The following FLG variants were observed in gnomAD, a reference collection of about 807,000 sequenced individuals.
FLG encodes filaggrin, also known as epidermal filaggrin.
In FLG, 6 loss-of-function variants were observed where a neutral mutation model predicts 3.8. The ratio of observed to expected loss-of-function variants is 1.60; its 90% confidence interval spans 0.87 to 3.15. FLG has a LOEUF of 3.15. FLG is among the 30% of genes most tolerant of loss of function. The pLI is 0.00. For synonymous variants in FLG, 2,551 were observed against 1,931.6 expected, an observed-to-expected ratio of 1.32 and a Z score of -8.41; for missense variants, 7,595 against 5,050.9, an observed-to-expected ratio of 1.50 and a Z score of -15.27.
rs756739106 is a variant in FLG, at chr1:152,307,291, G to T, written c.7595C>A (p.Ser2532Ter). Residue 2532 changes from serine (S) to a stop codon, truncating the protein, a stop_gained, in exon 3 of 3, where the codon TCG (serine) becomes TAG (stop). Coordinates refer to ENST00000368799, the MANE Select transcript of FLG (RefSeq NM_002016.2). LOFTEE classifies it low-confidence loss of function (END_TRUNC). ...CCGAGAGGAAGCTTCATGGTGACGC[G>T]ACCCTGAGTGCCTGGAGCCGTCTCC... is the stretch of plus-strand genomic sequence containing the variant. ...QSGDGSRHSG[S>*]RHHEASSRAD... 45 of 1,613,094 alleles carry T rather than the reference G, an allele frequency of 2.8e-5. No individual in the cohort carries two copies. Among genetic ancestry groups the T allele is most frequent in the Non-Finnish European group, 3.7e-5 (44 of 1,179,956 alleles).
Position 152,314,601 on chromosome 1 carries a change from C to G in FLG, c.285G>C (p.Pro95=). The G allele has an allele frequency of 6.2e-7, 1 of 1,613,794 alleles. No individual in the cohort carries two copies. Among genetic ancestry groups the G allele is most frequent in the Non-Finnish European group, 8.5e-7 (1 of 1,179,870 alleles). ...GCTTTCTGTGCTTGTGTCCTGATAT[C>G]GGTAAATTCTCTTTTCTGGTAGACT... is the stretch of plus-strand genomic sequence containing the variant. ...YYESTRKENL[P]ISGHKHRKHS... Residue 95 remains proline, a synonymous_variant, in exon 3 of 3, where the codon CCG becomes CCC. Transcript: ENST00000368799.
chr1:152,311,485 G>C lies in FLG; in HGVS notation c.3401C>G (p.Thr1134Ser). 1 of 1,613,866 alleles carries C rather than the reference G, an allele frequency of 6.2e-7. No homozygotes were observed. Among genetic ancestry groups the C allele is most frequent in the Middle Eastern group, 1.7e-4 (1 of 6,058 alleles). The change falls in exon 3 of 3, where the codon ACC becomes AGC. Residue 1134 changes from threonine (T) to serine (S), a missense_variant. By Grantham distance (58) the Thr-to-Ser change is moderately conservative (BLOSUM62 1). Transcript: ENST00000368799. ...TTGTCTTCGTCCAGTGCTGGTCCTG[G>C]TCCGCCCATGGGCAGACTCAGACTG... ...HEQSESAHGR[T>S]RTSTGRRQGS...
rs754405401 is a variant in FLG at position 152,314,159 on chromosome 1, C to T, written c.727G>A (p.Ala243Thr). Residue 243 changes from alanine (A) to threonine (T), a missense_variant, in exon 3 of 3, where the codon GCC becomes ACC. By Grantham distance (58) the Ala-to-Thr change is moderately conservative. Coordinates refer to ENST00000368799, the MANE Select transcript of FLG (RefSeq NM_002016.2). The stretch of plus-strand genomic sequence containing the variant: ...AATAGACTATCAGTGGTGTCATAGG[C>T]TTCATCCTGGATTGTGTAATATGTG... ...IATYYTIQDE[A>T]YDTTDSLLEE... The T allele has an allele frequency of 3.7e-6, 6 of 1,614,146 alleles. No individual in the cohort carries two copies. The highest frequency in any genetic ancestry group is 4.2e-6 in the Non-Finnish European group (5 of 1,180,022).
In FLG at chr1:152,307,067, T is replaced by G; in HGVS notation, c.7819A>C (p.Arg2607=). 2 of 1,609,212 alleles carry G rather than the reference T, an allele frequency of 1.2e-6. No individual in the cohort carries two copies. Among genetic ancestry groups the G allele is most frequent in the Non-Finnish European group, 1.7e-6 (2 of 1,179,438 alleles). Residue 2607 remains arginine, a synonymous_variant, in exon 3 of 3, where the codon AGG becomes CGG. Transcript: ENST00000368799. The part of the protein sequence containing the change: ...EQLRDGSRHP[R]SHQEDRAGHG... ...CCAGCTCTGTCTTCTTGATGGGACC[T>G]GGGGTGTCTGGAGCCATCTCTTAGC... is the stretch of plus-strand genomic sequence containing the variant.
rs760739986 is a variant in FLG at position 152,303,371 on chromosome 1, T to C, written c.11515A>G (p.Ser3839Gly). The change falls in exon 3 of 3, where the codon AGC (serine) becomes GGC (glycine). Residue 3839 changes from serine to glycine, a missense_variant. Coordinates refer to ENST00000368799, the MANE Select transcript of FLG (RefSeq NM_002016.2). The part of the protein sequence containing the change: ...RHHEASTQAD[S>G]SRHSQSGQGE... ...TGGCCGGACTGTGAGTGTCTAGAGC[T>C]GTCAGCCTGAGTGGAAGCTTCATGG... 6.2e-7 allele frequency: 1 copy of C among 1,614,136 alleles called. No individual in the cohort carries two copies. The highest frequency in any genetic ancestry group is 1.7e-5 in the Admixed American group (1 of 60,008).
chr1:152,315,437 T>G lies in FLG; in HGVS notation c.20A>C (p.Asn7Thr), dbSNP rs372700376. ...GAAAAGATTAATTATGGCAAAGATG[T>G]TTTCCAGGAGAGTAGACATCTTTTG... MSTLLE[N>T]IFAIINLFKQ... Residue 7 changes from asparagine (N) to threonine (T), a missense_variant, in exon 2 of 3, where the codon AAC becomes ACC. By Grantham distance (65) the Asn-to-Thr change is moderately conservative. Transcript: ENST00000368799. The G allele has an allele frequency of 2.5e-6, 4 of 1,612,156 alleles. No individual in the cohort carries two copies. In the African/African-American group the frequency reaches 5.3e-5, roughly 22 times the overall value.
In FLG at chr1:152,304,804, G is replaced by T. The variant is rs202056848; in HGVS notation, c.10082C>A (p.Ala3361Asp). The T allele has an allele frequency of 2.8e-4, 455 of 1,613,878 alleles. 5 individuals are homozygous for T. The highest frequency in any genetic ancestry group is 1.5e-3 in the Middle Eastern group (9 of 6,060). ...DTQSVSGHGQ[A>D]GPHQQSHQES... ...TTGGTGGCTCTGCTGATGGGGCCCA[G>T]CCTGTCCATGGCCTGACACTGACTG... is the stretch of plus-strand genomic sequence containing the variant. The change falls in exon 3 of 3, where the codon GCT (alanine) becomes GAT (aspartate). Residue 3361 changes from alanine to aspartate, a missense_variant. By Grantham distance (126) the Ala-to-Asp change is moderately radical. Coordinates refer to ENST00000368799, the MANE Select transcript of FLG (RefSeq NM_002016.2).
rs550139731 is a variant in FLG, at chr1:152,307,427, G to T, written c.7459C>A (p.His2487Asn). Residue 2487 changes from histidine (H) to asparagine (N), a missense_variant, in exon 3 of 3, where the codon CAC becomes AAC. By Grantham distance (68) the His-to-Asn change is moderately conservative. Coordinates refer to ENST00000368799, the MANE Select transcript of FLG (RefSeq NM_002016.2). ...GTGTGGCTGTGATGAGACCCTGAGT[G>T]TCCAGATCTATCTACCAATTGCTCG... ...HYEQLVDRSG[H>N]SGSHHSHTTS... 57 of 1,613,238 alleles carry T rather than the reference G, an allele frequency of 3.5e-5. No individual in the cohort carries two copies. In the East Asian group the frequency reaches 1.1e-3, roughly 31 times the overall value.
In FLG at chr1:152,312,934, T is replaced by C. The variant is rs772746955; in HGVS notation, c.1952A>G (p.Glu651Gly). ...ASRNHHGSAQEQSRDGSRHPR... is the reference protein window; with the variant it reads ...ASRNHHGSAQGQSRDGSRHPR... ...GTGTCTGGAGCCATCTCTTGACTGC[T>C]CCTGAGCAGATCCATGATGGTTTCT... is the stretch of plus-strand genomic sequence containing the variant. Residue 651 changes from glutamate (E) to glycine (G), a missense_variant, in exon 3 of 3, where the codon GAG (glutamate) becomes GGG (glycine). Coordinates refer to ENST00000368799, the MANE Select transcript of FLG (RefSeq NM_002016.2). 6.2e-7 allele frequency: 1 copy of C among 1,614,016 alleles called. No individual in the cohort carries two copies. The highest frequency in any genetic ancestry group is 8.5e-7 in the Non-Finnish European group (1 of 1,180,014).
chr1:152,318,081 A>G (rs1221904993), intron 1 of FLG, among the ~76,000 whole-genome samples: 1 of 151,978 alleles, frequency 6.6e-6, no homozygotes, highest in Non-Finnish European at 1.5e-5. Flanking sequence ...ATGCTGGAGT[A>G]TCTTCCATCT....
chr1:152,311,043 G>C lies in FLG; in HGVS notation c.3843C>G (p.Asp1281Glu). 6.2e-7 allele frequency: 1 copy of C among 1,613,754 alleles called. No individual in the cohort carries two copies. Among genetic ancestry groups the C allele is most frequent in the Non-Finnish European group, 8.5e-7 (1 of 1,179,946 alleles). The change falls in exon 3 of 3, where the codon GAC becomes GAG. Residue 1281 changes from aspartate (D) to glutamate (E), a missense_variant. Coordinates refer to ENST00000368799, the MANE Select transcript of FLG (RefSeq NM_002016.2). ...SQDSDSERHS[D>E]DSERLSGSAS... ...CAGACCCAGACAACCTCTCGGAGTC[G>C]TCTGAGTGTCTCTCACTGTCACTGT... is the stretch of plus-strand genomic sequence containing the variant.
In FLG at chr1:152,310,449, G is replaced by C. The variant is rs746736722; in HGVS notation, c.4437C>G (p.His1479Gln). ...TGTCCTGACCGTCTTGGGATGCTGA[G>C]TGCCTAGAGCTGTTTCGTGCCTGCT... ...RHEQARNSSR[H>Q]SASQDGQDTI... The change falls in exon 3 of 3, where the codon CAC becomes CAG. Residue 1479 changes from histidine to glutamine, a missense_variant. Coordinates refer to ENST00000368799, the MANE Select transcript of FLG (RefSeq NM_002016.2). 1.7e-5 allele frequency: 28 copies of C among 1,613,514 alleles called. No individual in the cohort carries two copies. Among genetic ancestry groups the C allele is most frequent in the Non-Finnish European group, 2.2e-5 (26 of 1,179,850 alleles).
rs142421644 is a variant in FLG at position 152,303,659 on chromosome 1, G to C, written c.11227C>G (p.Arg3743Gly). The change falls in exon 3 of 3, where the codon CGA (arginine) becomes GGA (glycine). Residue 3743 changes from arginine to glycine, a missense_variant. Arg to Gly is a moderately radical substitution (Grantham distance 125). Transcript: ENST00000368799. The stretch of plus-strand genomic sequence containing the variant: ...GACGCTGAGTGCCTGGAGCTGTCTC[G>C]TGCCTGCTCGTGGCGGGATCCTTGT... Reference protein sequence around the residue: ...GRQGSRHEQARDSSRHSASQE... With the variant: ...GRQGSRHEQAGDSSRHSASQE... 4.3e-6 allele frequency: 7 copies of C among 1,613,740 alleles called. No homozygotes were observed. The highest frequency in any genetic ancestry group is 1.7e-5 in the Admixed American group (1 of 59,918).
At chr1:152,315,256 C>G in intron 2 of FLG, 63 bp downstream of exon 2, 1 of 1,485,342 alleles carries the variant, frequency 6.7e-7, no homozygotes, top group Non-Finnish European at 9.4e-7. Context: ...CAAAATAACC[C>G]TTGCTTAGAT....
At position 152,315,313 on chromosome 1, in the gene FLG, T is replaced by A; in HGVS notation, c.138+6A>T. The A allele has an allele frequency of 6.2e-7, 1 of 1,613,178 alleles. No homozygotes were observed. The highest frequency in any genetic ancestry group is 8.5e-7 in the Non-Finnish European group (1 of 1,179,358). ...CTCTATCTTTGGTCTTGTCAGAGAC[T>A]CTTACCTTCAGGATTTGCCGAAATT... is the stretch of plus-strand genomic sequence containing the variant. On this transcript the variant is annotated splice_donor_region_variant and intron_variant, in intron 2 of 2. Transcript: ENST00000368799.
At position 152,312,754 on chromosome 1, in the gene FLG, C is replaced by G. The variant is rs139043400; in HGVS notation, c.2132G>C (p.Arg711Pro). 1 of 1,613,262 alleles carries G rather than the reference C, an allele frequency of 6.2e-7. No individual in the cohort carries two copies. The highest frequency in any genetic ancestry group is 1.7e-5 in the Admixed American group (1 of 59,970). Reference protein sequence around the residue: ...RSSAGERHGSRHQLQSADSSR... With the variant: ...RSSAGERHGSPHQLQSADSSR... ...GCTGTCTGCTGACTGGAGCTGGTGG[C>G]GGGATCCATGTCTTTCTCCTGCACT... Residue 711 changes from arginine (R) to proline (P), a missense_variant, in exon 3 of 3, where the codon CGC becomes CCC. Transcript: ENST00000368799.
chr1:152,325,119 A>G (rs1174205901), intron 1 of FLG, 70 bp downstream of exon 1: 2 of 151,920 alleles, frequency 1.3e-5, no homozygotes, highest in African/African-American at 4.8e-5. Context: ...TTTGCCTTAC[A>G]GTACACATAC....
Position 152,309,905 on chromosome 1 carries a change from A to T in FLG, c.4981T>A (p.Ser1661Thr), listed in dbSNP as rs1276098898. The change falls in exon 3 of 3, where the codon TCC becomes ACC. Residue 1661 changes from serine (S) to threonine (T), a missense_variant. Ser to Thr is a moderately conservative substitution (Grantham distance 58). Transcript: ENST00000368799. ...GATGATGCAGCCTGTCCACCAGAGG[A>T]AGTCTCTGCATGACGAGTGCCTGAT... is the stretch of plus-strand genomic sequence containing the variant. ...RQSGTRHAET[S>T]SGGQAASSQE... The T allele has an allele frequency of 1.2e-6, 2 of 1,614,000 alleles. No homozygotes were observed. Among genetic ancestry groups the T allele is most frequent in the Non-Finnish European group, 1.7e-6 (2 of 1,180,000 alleles).
At chr1:152,315,024 A>G (rs1652726955) in intron 2 of FLG, 1 of 427,112 alleles carries the variant, frequency 2.3e-6, no homozygotes, top group Non-Finnish European at 4.1e-6. Context: ...GTTGTCTTTA[A>G]CAAAAATCCC....
Sources: allele counts gnomAD v4.1 joint callset (sites outside exome capture counted in the v4.1 genomes callset), GRCh38; gene constraint gnomAD v4.1.1; transcripts MANE v1.5; gene names NCBI Gene and HGNC (gene_info 2026-07-23, HGNC 2026-07-21).